GFRA1: variants seen among roughly 807,000 people sequenced by gnomAD.
GFRA1 encodes GDNF family receptor alpha 1, also known as GDNF family receptor alpha-1.
A neutral mutation model predicts 51.6 loss-of-function variants in GFRA1; 16 were observed. The ratio of observed to expected loss-of-function variants is 0.31; its 90% CI spans 0.21 to 0.47. The LOEUF is 0.47. Among genes scored for constraint, GFRA1 ranks in the 20% least tolerant of loss-of-function variants. GFRA1 has a pLI of 1.00. For synonymous variants in GFRA1, 270 were observed against 241.3 expected, an observed-to-expected ratio of 1.12 and a Z score of -1.10; for missense variants, 530 against 594.3, an observed-to-expected ratio of 0.89 and a Z score of 1.13.
intron 6 of GFRA1, among the ~76,000 whole-genome samples, chr10:116,114,589 G>T (rs1259649709): frequency 3.9e-5 from 6 of 152,062 alleles, no homozygotes; most frequent in Non-Finnish European, 8.8e-5. Context: ...TAGAGAGAGG[G>T]TCTTGCTGTG....
intron 6 of GFRA1, among the ~76,000 whole-genome samples, chr10:116,103,211 G>A (rs559977721): frequency 6.6e-6 from 1 of 152,282 alleles, no homozygotes; most frequent in Admixed American, 6.5e-5. Context: ...AATGTCTGCT[G>A]TGAGACTTAA....
intron 5 of GFRA1, among the ~76,000 whole-genome samples, chr10:116,179,964 C>T (rs969748391): frequency 6.6e-6 from 1 of 152,136 alleles, no homozygotes; most frequent in African/African-American, 2.4e-5. Flanking sequence ...CTTGGTGTCA[C>T]CCACCAAGCA....
At chr10:116,217,657 T>C (rs1965651332) in intron 4 of GFRA1, among the ~76,000 whole-genome samples, 2 of 152,204 alleles carry the variant, frequency 1.3e-5, no homozygotes, top group South Asian at 4.1e-4. Flanking sequence ...AACAGGGTCA[T>C]AAAAACTCAG....
intron 4 of GFRA1, among the ~76,000 whole-genome samples, chr10:116,229,117 C>A (rs1351590567): frequency 1.3e-5 from 2 of 151,878 alleles, no homozygotes; most frequent in Non-Finnish European, 2.9e-5. Flanking sequence ...TCTAGTGAGA[C>A]CCATGTTGGA....
chr10:116,212,552 AC>A (rs1965276599), intron 4 of GFRA1, among the ~76,000 whole-genome samples: 1 of 151,696 alleles, frequency 6.6e-6, no homozygotes, highest in Non-Finnish European at 1.5e-5. Context: ...ACACACACAC[AC>A]ACACACACAC....
At chr10:116,151,973 G>A (rs1959081869) in intron 5 of GFRA1, among the ~76,000 whole-genome samples, 1 of 152,212 alleles carries the variant, frequency 6.6e-6, no homozygotes, top group Non-Finnish European at 1.5e-5. Context: ...GAGAGGTGGA[G>A]TGAGTTGAGG....
At chr10:116,216,452 C>T (rs1021433250) in intron 4 of GFRA1, among the ~76,000 whole-genome samples, 1 of 152,154 alleles carries the variant, frequency 6.6e-6, no homozygotes, top group African/African-American at 2.4e-5. Context: ...AATCCATAGT[C>T]CATAACTATG....
chr10:116,236,895 A>C (rs529147840), intron 4 of GFRA1, among the ~76,000 whole-genome samples: 8 of 152,352 alleles, frequency 5.3e-5, no homozygotes, highest in Admixed American at 3.9e-4. Flanking sequence ...TACCAGGACA[A>C]CAATAATAGC....
At chr10:116,256,245 C>G (rs1420784768) in intron 4 of GFRA1, among the ~76,000 whole-genome samples, 3 of 152,182 alleles carry the variant, frequency 2.0e-5, no homozygotes, top group Non-Finnish European at 4.4e-5. Flanking sequence ...CAAGTGTGCT[C>G]AACTCCAAGG....
chr10:116,227,913 C>G (rs1966414956), intron 4 of GFRA1, among the ~76,000 whole-genome samples: 1 of 152,226 alleles, frequency 6.6e-6, no homozygotes, highest in Non-Finnish European at 1.5e-5. Flanking sequence ...TCTCTGCCCT[C>G]TGGAATGTTC....
chr10:116,121,209 G>A (rs1011401650), intron 6 of GFRA1, among the ~76,000 whole-genome samples: 2 of 152,178 alleles, frequency 1.3e-5, no homozygotes, highest in Admixed American at 1.3e-4. Flanking sequence ...AAAAGGTTAT[G>A]CTTCCATTCG....
intron 4 of GFRA1, among the ~76,000 whole-genome samples, chr10:116,244,049 T>C (rs1043728193): frequency 1.3e-5 from 2 of 152,124 alleles, no homozygotes; most frequent in Admixed American, 6.6e-5. Context: ...AGACCCTATG[T>C]AGGAATACTA....
At chr10:116,241,239 C>T (rs1967343958) in intron 4 of GFRA1, among the ~76,000 whole-genome samples, 1 of 152,190 alleles carries the variant, frequency 6.6e-6, no homozygotes. Flanking sequence ...AACCAATTCA[C>T]ACATGTCCAA....
intron 4 of GFRA1, chr10:116,255,900 G>T: frequency 4.6e-6 from 1 of 216,446 alleles, no homozygotes; most frequent in Non-Finnish European, 7.9e-6. Context: ...TTCGGGTATG[G>T]CTATTGTTTT....
At chr10:116,250,400 A>G (rs76134297) in intron 4 of GFRA1, among the ~76,000 whole-genome samples, 2,279 of 152,288 alleles carry the variant, frequency 0.015, 35 homozygotes, top group Non-Finnish European at 0.022. Flanking sequence ...TCTGTTATCC[A>G]TCCATCAAGT....
intron 4 of GFRA1, among the ~76,000 whole-genome samples, chr10:116,266,288 T>C (rs1009608499): frequency 2.6e-5 from 4 of 152,198 alleles, no homozygotes; most frequent in South Asian, 2.1e-4. Flanking sequence ...ATTGCTACCA[T>C]ATCTGTGAAA....
At chr10:116,073,149 T>G (rs988141654) in intron 9 of GFRA1, among the ~76,000 whole-genome samples, 1 of 152,178 alleles carries the variant, frequency 6.6e-6, no homozygotes, top group Non-Finnish European at 1.5e-5. Context: ...TAGCTAAGCA[T>G]TCCCTCGGGC....
intron 5 of GFRA1, among the ~76,000 whole-genome samples, chr10:116,135,222 G>A (rs980969126): frequency 5.9e-5 from 9 of 152,134 alleles, no homozygotes; most frequent in Non-Finnish European, 1.3e-4. Context: ...GCAGCTTAGC[G>A]TTATTTAATG....
intron 5 of GFRA1, among the ~76,000 whole-genome samples, chr10:116,167,466 G>A (rs763926790): frequency 6.6e-6 from 1 of 152,150 alleles, no homozygotes; most frequent in Non-Finnish European, 1.5e-5. Flanking sequence ...GGAGGGTGAA[G>A]ACTATCTCAA....
Sources: allele counts gnomAD v4.1 joint callset (sites outside exome capture counted in the v4.1 genomes callset), GRCh38; gene constraint gnomAD v4.1.1; transcripts MANE v1.5; gene names NCBI Gene and HGNC (gene_info 2026-07-23, HGNC 2026-07-21).